Variants in RBM20 observed in about 807,000 individuals in gnomAD.
RBM20 encodes the protein RNA-binding protein 20.
A neutral mutation model predicts 110.1 loss-of-function variants in RBM20; 51 were observed. The observed-to-expected ratio is 0.46, with a 90% CI of 0.37 to 0.59. The LOEUF is 0.59. Among genes scored for constraint, RBM20 ranks in the 20% least tolerant of loss-of-function variants. The pLI, the probability that RBM20 is intolerant of heterozygous loss-of-function variation, is 0.00. For missense variants in RBM20, 1,512 were observed against 1,574.9 expected, an observed-to-expected ratio of 0.96 and a Z score of 0.68; for synonymous variants, 589 against 618.2, an observed-to-expected ratio of 0.95 and a Z score of 0.70.
At chr10:110,796,783 T>G (rs1370694957) in intron 5 of RBM20, among the ~76,000 whole-genome samples, 1 of 152,136 alleles carries the variant, frequency 6.6e-6, no homozygotes, top group Non-Finnish European at 1.5e-5. Context: ...ATCAGCACAT[T>G]TACCTCCTTC....
At chr10:110,807,184 G>C (rs1844705364) in intron 7 of RBM20, among the ~76,000 whole-genome samples, 1 of 152,220 alleles carries the variant, frequency 6.6e-6, no homozygotes, top group Non-Finnish European at 1.5e-5. Flanking sequence ...GGGAGCACCT[G>C]CTCCATGCCA....
chr10:110,686,013 A>G (rs74463524), intron 1 of RBM20, among the ~76,000 whole-genome samples: 3,735 of 152,240 alleles, frequency 0.025, 71 homozygotes, highest in Middle Eastern at 0.085. Flanking sequence ...TTTAAATGCT[A>G]TATGTATTCC....
At chr10:110,822,617 TAA>T (rs1414018028) in intron 11 of RBM20, 1 of 380,298 alleles carries the variant, frequency 2.6e-6, no homozygotes. Context: ...GAGTAGCCTT[TAA>T]GATTCTCACT....
At position 110,784,437 on chromosome 10, in the gene RBM20, G is replaced by A; in HGVS notation, c.1429+5G>A. ...ATAACCCTGCTGGGAATGAAGGTGA[G>A]CAAGGCCCTACAGGTCAGCAGCTTG... On this transcript the variant is annotated splice_donor_5th_base_variant and intron_variant, in intron 4 of 13. Transcript: ENST00000369519. 1 of 1,549,480 alleles carries A rather than the reference G, an allele frequency of 6.5e-7. No individual in the cohort carries two copies. The highest frequency in any genetic ancestry group is 8.7e-7 in the Non-Finnish European group (1 of 1,145,142).
At chr10:110,815,719 T>G (rs759762206) in intron 9 of RBM20, among the ~76,000 whole-genome samples, 1 of 152,210 alleles carries the variant, frequency 6.6e-6, no homozygotes, top group Non-Finnish European at 1.5e-5. Flanking sequence ...CACCCTGCTC[T>G]CATCGGTTTG....
intron 12 of RBM20, among the ~76,000 whole-genome samples, chr10:110,828,031 G>T (rs1406007735): frequency 6.6e-6 from 1 of 152,208 alleles, no homozygotes; most frequent in Admixed American, 6.5e-5. Flanking sequence ...GGCCAGTTCT[G>T]CATGACCCTG....
At chr10:110,772,407 G>T (rs76429473) in intron 1 of RBM20, among the ~76,000 whole-genome samples, 1 of 152,192 alleles carries the variant, frequency 6.6e-6, no homozygotes, top group Non-Finnish European at 1.5e-5. Context: ...ATACAGTCGC[G>T]GGTCGCATAA....
At chr10:110,645,559 C>A (rs1861857205) in intron 1 of RBM20, among the ~76,000 whole-genome samples, 1 of 152,186 alleles carries the variant, frequency 6.6e-6, no homozygotes, top group African/African-American at 2.4e-5. Flanking sequence ...CAAAATTTAC[C>A]CTTATGGAAC....
rs1845169753 is a variant in RBM20, at chr10:110,838,926, G to A, written c.*2948G>A. The A allele has an allele frequency of 6.6e-6, 1 of 152,180 alleles. No homozygotes were observed. The highest frequency in any genetic ancestry group is 2.4e-5 in the African/African-American group (1 of 41,490). 9.4% of individuals were successfully genotyped at this position (152,180 alleles called of 1,614,324 possible). On this transcript the variant is annotated 3_prime_UTR_variant, in exon 14 of 14. Coordinates refer to ENST00000369519, the MANE Select transcript of RBM20 (RefSeq NM_001134363.3). ...TATGATTTGCACTTTTTATTTCTAT[G>A]TGTGCCACACACAATGCAGTATTAA...
chr10:110,835,709 T>A (rs571457493), intron 13 of RBM20, 159 bp from the exon 14 acceptor site: 4 of 586,678 alleles, frequency 6.8e-6, no homozygotes, highest in Non-Finnish European at 1.2e-5. Flanking sequence ...GCATAAGTTC[T>A]GTAGCCCCAG....
chr10:110,681,892 T>TTTG (rs553858840), intron 1 of RBM20, among the ~76,000 whole-genome samples: 122 of 152,008 alleles, frequency 8.0e-4, no homozygotes, highest in Middle Eastern at 3.4e-3. Flanking sequence ...TGCTTTTTTT[T>TTTG]TTGTTGTTGT....
intron 1 of RBM20, among the ~76,000 whole-genome samples, chr10:110,682,247 G>A (rs1862433807): frequency 6.6e-6 from 1 of 152,090 alleles, no homozygotes; most frequent in Non-Finnish European, 1.5e-5. Context: ...CCTGGCATTC[G>A]TTGTCATGTC....
chr10:110,740,318 A>T (rs1413178731), intron 1 of RBM20, among the ~76,000 whole-genome samples: 1 of 151,992 alleles, frequency 6.6e-6, no homozygotes, highest in African/African-American at 2.4e-5. Context: ...ACTGTGTCGG[A>T]GATAGAAAAC....
chr10:110,737,702 G>A (rs1424123631), intron 1 of RBM20, among the ~76,000 whole-genome samples: 3 of 150,974 alleles, frequency 2.0e-5, no homozygotes, highest in African/African-American at 7.3e-5. Flanking sequence ...TCAGTTTTAT[G>A]TTCGTAACAT....
chr10:110,824,078 C>T (rs535367994), intron 12 of RBM20, among the ~76,000 whole-genome samples: 34 of 152,082 alleles, frequency 2.2e-4, no homozygotes, highest in Admixed American at 1.7e-3. Flanking sequence ...TTGCAAGGGG[C>T]GGCTGTAAAC....
chr10:110,687,138 C>T (rs1004406336), intron 1 of RBM20, among the ~76,000 whole-genome samples: 4 of 151,722 alleles, frequency 2.6e-5, no homozygotes, highest in African/African-American at 9.7e-5. Context: ...AGATTGTAAA[C>T]TATGAAAAGT....
intron 12 of RBM20, among the ~76,000 whole-genome samples, chr10:110,827,216 A>T (rs953948999): frequency 6.6e-6 from 1 of 152,052 alleles, no homozygotes; most frequent in African/African-American, 2.4e-5. Context: ...CTGCAAAAAA[A>T]TAAAATAAAA....
At chr10:110,661,667 A>G (rs77213187) in intron 1 of RBM20, among the ~76,000 whole-genome samples, 239 of 152,260 alleles carry the variant, frequency 1.6e-3, no homozygotes, top group African/African-American at 5.4e-3. Context: ...AGGAAGGTGA[A>G]TATGTATTCA....
intron 1 of RBM20, among the ~76,000 whole-genome samples, chr10:110,656,758 A>G (rs779781922): frequency 2.0e-5 from 3 of 152,178 alleles, no homozygotes; most frequent in Non-Finnish European, 2.9e-5. Context: ...TTCACATGGC[A>G]TCATGCTTTC....
Sources: gnomAD v4.1 joint callset for allele counts (sites outside exome capture counted in the v4.1 genomes callset) on GRCh38, gnomAD v4.1.1 for gene constraint, MANE v1.5 for transcripts, NCBI Gene and HGNC (gene_info 2026-07-23, HGNC 2026-07-21) for gene names.